ACSM5: variants seen among roughly 807,000 people sequenced by gnomAD.
The protein encoded by ACSM5 is acyl-CoA synthetase medium chain family member 5.
Under a neutral mutation model 71.6 loss-of-function variants are expected in ACSM5, and 56 were observed. The ratio of observed to expected loss-of-function variants is 0.78; its 90% CI spans 0.63 to 0.98. The LOEUF (loss-of-function observed/expected upper bound fraction) is 0.98, where lower values mean the gene tolerates loss of function less well. ACSM5 is among the 50% of genes least tolerant of loss of function. ACSM5 has a pLI of 0.00. For synonymous variants in ACSM5, 285 were observed against 281.5 expected, an observed-to-expected ratio of 1.01 and a Z score of -0.12; for missense variants, 723 against 726.0, an observed-to-expected ratio of 1.00 and a Z score of 0.05.
intron 5 of ACSM5, among the ~76,000 whole-genome samples, chr16:20,422,945 G>A (rs1031976399): frequency 6.6e-6 from 1 of 152,186 alleles, no homozygotes; most frequent in Non-Finnish European, 1.5e-5. Flanking sequence ...CTGGTGGCAA[G>A]AAAACAGTTT....
chr16:20,436,584 G>C (rs548779177), intron 10 of ACSM5, among the ~76,000 whole-genome samples: 1 of 152,174 alleles, frequency 6.6e-6, no homozygotes, highest in East Asian at 1.9e-4. Context: ...TTGGCCAGCT[G>C]GTCTCGAATT....
Position 20,429,713 on chromosome 16 carries a change from G to A in ACSM5, c.1037G>A (p.Gly346Glu). 6.2e-7 allele frequency: 1 copy of A among 1,613,886 alleles called. No individual in the cohort carries two copies. Among genetic ancestry groups the A allele is most frequent in the Non-Finnish European group, 8.5e-7 (1 of 1,179,878 alleles). The change falls in exon 8 of 14, where the codon GGA (glycine) becomes GAA (glutamate). Residue 346 changes from glycine to glutamate, a missense_variant. Physicochemically the swap from Gly to Glu is moderately conservative, Grantham distance 98 (BLOSUM62 -2). Transcript: ENST00000331849. ...CAGAGCCTGAGGCACTGTCTGACCG[G>A]AGGAGAGGCCCTCAACCCTGACGTG... The part of the protein sequence containing the change: ...QFQSLRHCLT[G>E]GEALNPDVRE...
intron 2 of ACSM5, among the ~76,000 whole-genome samples, chr16:20,416,424 A>G (rs1966856458): frequency 6.6e-6 from 1 of 152,226 alleles, no homozygotes; most frequent in Non-Finnish European, 1.5e-5. Context: ...ATAAATCCAC[A>G]AATCTATCAT....
intron 1 of ACSM5, among the ~76,000 whole-genome samples, 151 bp downstream of exon 1, chr16:20,409,816 T>G (rs1055156350): frequency 6.0e-5 from 9 of 149,378 alleles, no homozygotes; most frequent in African/African-American, 2.3e-4. Flanking sequence ...GGCTGAGGAA[T>G]CCAGGGGTGG....
At chr16:20,426,389 T>C (rs564060188) in intron 6 of ACSM5, among the ~76,000 whole-genome samples, 98 of 152,198 alleles carry the variant, frequency 6.4e-4, no homozygotes, top group African/African-American at 2.2e-3. Context: ...AAGCTGGAGG[T>C]AGCTTAATGA....
Position 20,437,532 on chromosome 16 carries a change from A to G in ACSM5, c.1536+165A>G, listed in dbSNP as rs556181557. ...GTTGCCTTCATGTCTTTAGAGATACAATTACTCTCTAAAGGGACATAATGG... is the reference window on the plus strand; with the variant it reads ...GTTGCCTTCATGTCTTTAGAGATACGATTACTCTCTAAAGGGACATAATGG... On this transcript the variant is annotated intron_variant, in intron 12 of 13. Coordinates refer to ENST00000331849, the MANE Select transcript of ACSM5 (RefSeq NM_017888.3). Among the ~76,000 whole-genome samples the G allele has an allele frequency of 3.1e-3, 473 of 151,992 alleles. 5 individuals are homozygous for G. Among genetic ancestry groups the G allele is most frequent in the African/African-American group, 0.01 (428 of 41,408 alleles).
chr16:20,430,908 T>C (rs1336917515), intron 8 of ACSM5, 85 bp from the exon 9 acceptor site: 1 of 929,570 alleles, frequency 1.1e-6, no homozygotes, highest in African/African-American at 1.7e-5. Context: ...GAGAAAGAGT[T>C]ATCAGGCAGG....
At chr16:20,436,094 C>T (rs75285637) in intron 10 of ACSM5, among the ~76,000 whole-genome samples, 12,709 of 141,198 alleles carry the variant, frequency 0.09, 746 homozygotes, top group East Asian at 0.19. Context: ...CCTTCCTTTT[C>T]TCTTTCTTTC....
Position 20,422,691 on chromosome 16 carries a change from T to A in ACSM5, c.768-1225T>A, listed in dbSNP as rs545479137. 5.3e-3 allele frequency among the ~76,000 whole-genome samples: 804 copies of A among 152,296 alleles called. 8 individuals are homozygous for A. Among genetic ancestry groups the A allele is most frequent in the Non-Finnish European group, 8.2e-3 (559 of 68,024 alleles). ...CACTCAGGATGTTGGGTTGACAATG[T>A]AACTGTAGGGGAAACAGGTAAAGAA... On this transcript the variant is annotated intron_variant, in intron 5 of 13. Transcript: ENST00000331849.
intron 6 of ACSM5, among the ~76,000 whole-genome samples, chr16:20,425,636 A>G (rs1596617960): frequency 1.3e-5 from 2 of 152,048 alleles, no homozygotes; most frequent in African/African-American, 4.8e-5. Flanking sequence ...ACACCTTTGC[A>G]TCCTCATAGC....
rs756401316 is a variant in ACSM5, at chr16:20,440,417, G to C, written c.1730G>C (p.Trp577Ser). Residue 577 changes from tryptophan to serine, a missense_variant, in exon 14 of 14, where the codon TGG (tryptophan) becomes TCG (serine). By Grantham distance (177) the Trp-to-Ser change is radical. Transcript: ENST00000331849. ...IQRSKLRSQE[W>S]GK ...AGGAGTAAATTGCGAAGTCAGGAGT[G>C]GGGGAAATGAGGTGCACCCCAGGAA... is the stretch of plus-strand genomic sequence containing the variant. The C allele has an allele frequency of 6.2e-7, 1 of 1,610,402 alleles. No homozygotes were observed. The highest frequency in any genetic ancestry group is 1.1e-5 in the South Asian group (1 of 91,002).
At chr16:20,421,099 C>T (rs1246755454) in intron 4 of ACSM5, 159 bp from the exon 5 acceptor site, 3 of 792,094 alleles carry the variant, frequency 3.8e-6, no homozygotes, top group East Asian at 6.4e-5. Context: ...TAGTACCTAC[C>T]CCATGAGGTG....
intron 10 of ACSM5, among the ~76,000 whole-genome samples, chr16:20,432,052 G>A (rs1469256723): frequency 6.6e-6 from 1 of 152,090 alleles, no homozygotes; most frequent in African/African-American, 2.4e-5. Flanking sequence ...TGCTAGCAGG[G>A]CACAAACCTG....
At chr16:20,425,793 T>C (rs1304311472) in intron 6 of ACSM5, among the ~76,000 whole-genome samples, 1 of 151,952 alleles carries the variant, frequency 6.6e-6, no homozygotes, top group African/African-American at 2.4e-5. Flanking sequence ...TATTCCATTA[T>C]ATATATTTAT....
chr16:20,412,483 T>A (rs1966849572), intron 2 of ACSM5, among the ~76,000 whole-genome samples: 1 of 152,384 alleles, frequency 6.6e-6, no homozygotes, highest in South Asian at 2.1e-4. Context: ...TGTGTGTCTC[T>A]GTGCATCTGC....
intron 6 of ACSM5, among the ~76,000 whole-genome samples, chr16:20,427,429 C>T (rs1221627278): frequency 6.6e-6 from 1 of 152,252 alleles, no homozygotes; most frequent in East Asian, 1.9e-4. Flanking sequence ...CTTGAGCATA[C>T]TCAAAACATG....
intron 10 of ACSM5, among the ~76,000 whole-genome samples, chr16:20,436,076 T>TCTTC (rs1413087897): frequency 2.7e-5 from 4 of 147,644 alleles, no homozygotes; most frequent in African/African-American, 1.0e-4. Flanking sequence ...CATTCCTTCT[T>TCTTC]CTTCCTTCCT....
chr16:20,433,963 C>T (rs1967148156), intron 10 of ACSM5, among the ~76,000 whole-genome samples: 1 of 151,942 alleles, frequency 6.6e-6, no homozygotes, highest in African/African-American at 2.4e-5. Context: ...AGGCATGAGC[C>T]ACCACTCCCA....
chr16:20,434,079 C>G (rs1419263525), intron 10 of ACSM5, among the ~76,000 whole-genome samples: 1 of 152,092 alleles, frequency 6.6e-6, no homozygotes, highest in Non-Finnish European at 1.5e-5. Flanking sequence ...CTTTCTTTCA[C>G]TTTCTTTAAG....
Sources: allele counts gnomAD v4.1 joint callset (sites outside exome capture counted in the v4.1 genomes callset), GRCh38; gene constraint gnomAD v4.1.1; transcripts MANE v1.5; gene names NCBI Gene and HGNC (gene_info 2026-07-23, HGNC 2026-07-21).